ADARB2: variants seen among roughly 807,000 people sequenced by gnomAD.
ADARB2 encodes adenosine deaminase RNA specific B2 (inactive).
A neutral mutation model predicts 62.2 loss-of-function variants in ADARB2; 25 were observed. The ratio of observed to expected loss-of-function variants is 0.40; its 90% CI spans 0.29 to 0.56. ADARB2 has a LOEUF of 0.56. Among genes scored for constraint, ADARB2 ranks in the 20% least tolerant of loss-of-function variants. ADARB2 has a pLI of 0.43. For synonymous variants in ADARB2, 572 were observed against 500.8 expected, an observed-to-expected ratio of 1.14 and a Z score of -1.90; for missense variants, 1,071 against 1,077.4, an observed-to-expected ratio of 0.99 and a Z score of 0.08.
chr10:1,195,524 G>A (rs1287043484), intron 8 of ADARB2, among the ~76,000 whole-genome samples: 6 of 151,832 alleles, frequency 4.0e-5, no homozygotes, highest in South Asian at 2.1e-4. Context: ...AGGCAGAGAC[G>A]ACGTTGAAAG....
intron 1 of ADARB2, among the ~76,000 whole-genome samples, chr10:1,571,562 A>G (rs375770402): frequency 5.3e-5 from 8 of 152,370 alleles, no homozygotes; most frequent in South Asian, 4.1e-4. Context: ...GAAGCCAGAT[A>G]CGTGGGTATC....
At chr10:1,211,142 T>C (rs1016576186) in intron 7 of ADARB2, among the ~76,000 whole-genome samples, 7 of 144,914 alleles carry the variant, frequency 4.8e-5, no homozygotes, top group Non-Finnish European at 9.2e-5. Context: ...AGTCATCTAA[T>C]CTATAATCTA....
intron 1 of ADARB2, among the ~76,000 whole-genome samples, chr10:1,685,911 G>T (rs954002310): frequency 3.9e-5 from 6 of 152,322 alleles, no homozygotes; most frequent in Admixed American, 2.0e-4. Context: ...ACGTGGCTGG[G>T]TGGCCTCTGC....
At chr10:1,535,465 C>T (rs1018068372) in intron 1 of ADARB2, 2 of 159,190 alleles carry the variant, frequency 1.3e-5, no homozygotes, top group Admixed American at 1.3e-4. Flanking sequence ...TGCTCGTGCA[C>T]TTTACGGCTT....
chr10:1,712,996 T>C (rs1834970278), intron 1 of ADARB2, among the ~76,000 whole-genome samples: 2 of 152,288 alleles, frequency 1.3e-5, no homozygotes, highest in South Asian at 4.1e-4. Flanking sequence ...TTTTCATCAG[T>C]CATGTGTACT....
intron 1 of ADARB2, among the ~76,000 whole-genome samples, chr10:1,555,874 G>A (rs767588306): frequency 2.0e-5 from 3 of 152,148 alleles, no homozygotes; most frequent in Non-Finnish European, 4.4e-5. Context: ...GATGGAGGTT[G>A]CAGTGAGCCG....
chr10:1,686,278 G>A (rs1380642928), intron 1 of ADARB2, among the ~76,000 whole-genome samples: 1 of 152,220 alleles, frequency 6.6e-6, no homozygotes, highest in African/African-American at 2.4e-5. Context: ...CTGTGGCTTG[G>A]GCCGGCGGTT....
chr10:1,447,094 G>T (rs527336381), intron 1 of ADARB2, among the ~76,000 whole-genome samples: 16 of 152,278 alleles, frequency 1.1e-4, no homozygotes, highest in African/African-American at 3.6e-4. Flanking sequence ...TTATATGCCA[G>T]ATTTACTCAA....
chr10:1,655,011 G>C (rs1309836164), intron 1 of ADARB2, among the ~76,000 whole-genome samples: 2 of 152,234 alleles, frequency 1.3e-5, no homozygotes, highest in African/African-American at 4.8e-5. Context: ...GCGTGAGGGT[G>C]AGGACGCGGT....
intron 1 of ADARB2, among the ~76,000 whole-genome samples, chr10:1,684,147 C>G (rs1239272604): frequency 6.6e-6 from 1 of 152,224 alleles, no homozygotes; most frequent in African/African-American, 2.4e-5. Context: ...GAAGAAAACT[C>G]CATCTATAGA....
At chr10:1,462,786 T>C (rs1265106936) in intron 1 of ADARB2, among the ~76,000 whole-genome samples, 1 of 152,012 alleles carries the variant, frequency 6.6e-6, no homozygotes, top group Non-Finnish European at 1.5e-5. Context: ...TGTGTGCACG[T>C]GTGTGCATGT....
At chr10:1,507,779 A>G (rs567890588) in intron 1 of ADARB2, among the ~76,000 whole-genome samples, 16 of 152,240 alleles carry the variant, frequency 1.1e-4, no homozygotes, top group African/African-American at 3.9e-4. Context: ...CATTAGGCAT[A>G]CGCAGCTTTC....
intron 1 of ADARB2, among the ~76,000 whole-genome samples, chr10:1,672,639 TC>T (rs1163589918): frequency 3.2e-5 from 2 of 63,178 alleles, no homozygotes; most frequent in Non-Finnish European, 9.4e-5. Flanking sequence ...TTTCCCCTCC[TC>T]CTTGCAGGCC....
chr10:1,302,022 G>A (rs1673497527), intron 3 of ADARB2, among the ~76,000 whole-genome samples: 1 of 152,204 alleles, frequency 6.6e-6, no homozygotes. Flanking sequence ...ATCTAGGGAG[G>A]AGCCAAGATG....
At chr10:1,513,093 T>C (rs1251624636) in intron 1 of ADARB2, among the ~76,000 whole-genome samples, 1 of 152,198 alleles carries the variant, frequency 6.6e-6, no homozygotes, top group Non-Finnish European at 1.5e-5. Context: ...CACTGAATGG[T>C]AACTTTGGAA....
chr10:1,501,732 A>G (rs1325682108), intron 1 of ADARB2, among the ~76,000 whole-genome samples: 8 of 152,200 alleles, frequency 5.3e-5, no homozygotes, highest in Admixed American at 3.9e-4. Context: ...TATGGACTTC[A>G]TGTCCTTCAG....
At chr10:1,594,514 C>T (rs936053188) in intron 1 of ADARB2, among the ~76,000 whole-genome samples, 28 of 152,186 alleles carry the variant, frequency 1.8e-4, no homozygotes, top group Non-Finnish European at 3.4e-4. Context: ...TGGGTGTTTG[C>T]CGTGAGCAGA....
chr10:1,263,982 C>T (rs1831169303), intron 4 of ADARB2, among the ~76,000 whole-genome samples: 1 of 152,174 alleles, frequency 6.6e-6, no homozygotes. Flanking sequence ...ATCTGTCCTG[C>T]ATTTTATAGT....
intron 3 of ADARB2, among the ~76,000 whole-genome samples, chr10:1,343,669 A>T (rs993428108): frequency 6.6e-6 from 1 of 152,226 alleles, no homozygotes; most frequent in African/African-American, 2.4e-5. Context: ...TGCTACATAT[A>T]CACCATGGAA....
Sources: gnomAD v4.1 joint callset for allele counts (sites outside exome capture counted in the v4.1 genomes callset) on GRCh38, gnomAD v4.1.1 for gene constraint, MANE v1.5 for transcripts, NCBI Gene and HGNC (gene_info 2026-07-23, HGNC 2026-07-21) for gene names.